Variants in DDX43 observed in about 807,000 individuals in gnomAD.
DDX43 encodes the protein probable ATP-dependent RNA helicase DDX43.
DDX43 carries 50 observed loss-of-function variants against 84.9 expected under a neutral mutation model. The observed-to-expected ratio is 0.59, with a 90% CI of 0.47 to 0.75. The LOEUF (loss-of-function observed/expected upper bound fraction) is 0.75, where lower values mean the gene tolerates loss of function less well. Ranked by LOEUF, DDX43 falls within the 30% of genes least tolerant of loss-of-function variation. DDX43 has a pLI of 0.00. For missense variants in DDX43, 689 were observed against 798.6 expected (o/e 0.86, Z 1.65); for synonymous variants, 291 against 266.3 (o/e 1.09, Z -0.90).
rs561592624 is a variant in DDX43, at chr6:73,414,540, C to T, written c.1607-8C>T. 1.1e-5 allele frequency: 17 copies of T among 1,608,354 alleles called. No individual in the cohort carries two copies. In the East Asian group the frequency reaches 1.1e-4, roughly 11 times the overall value. ...ATGGTTCAGTGTTCATTTGGCTTTA[C>T]TTTTTAGGCAAAGTGAGAATACTAA... is the stretch of plus-strand genomic sequence containing the variant. On this transcript the variant is annotated splice_polypyrimidine_tract_variant and splice_region_variant and intron_variant, in intron 13 of 16. Transcript: ENST00000370336.
At chr6:73,396,513 G>A (rs1263500587) in intron 1 of DDX43, among the ~76,000 whole-genome samples, 2 of 152,172 alleles carry the variant, frequency 1.3e-5, no homozygotes, top group South Asian at 2.1e-4. Context: ...CACTAGGTTT[G>A]CAATAAAAAT....
chr6:73,413,690 A>G lies in DDX43; in HGVS notation c.1401A>G (p.Val467=), dbSNP rs763328226. The change falls in exon 12 of 17, where the codon GTA becomes GTG. Residue 467 remains valine (V), a synonymous_variant. Coordinates refer to ENST00000370336, the MANE Select transcript of DDX43 (RefSeq NM_018665.3). ...GTTCAGTGAAGCAAAATATAATTGT[A>G]ACCACCGAGGAAGAGAAATGGAGTC... ...AVSSVKQNII[V]TTEEEKWSHM... is the part of the protein sequence containing the mutation. 1 of 1,613,800 alleles carries G rather than the reference A, an allele frequency of 6.2e-7. No homozygotes were observed. Among genetic ancestry groups the G allele is most frequent in the Admixed American group, 1.7e-5 (1 of 59,982 alleles).
chr6:73,409,231 C>A lies in DDX43; in HGVS notation c.1180-17C>A, dbSNP rs1316573795. 6.2e-7 allele frequency: 1 copy of A among 1,600,902 alleles called. No homozygotes were observed. The highest frequency in any genetic ancestry group is 8.6e-7 in the Non-Finnish European group (1 of 1,168,032). ...CTCCCATATCTAATCTAACCACATTCTTTTTTGTCAATGCAGGTTTTAGAT... is the reference window on the plus strand; with the variant it reads ...CTCCCATATCTAATCTAACCACATTATTTTTTGTCAATGCAGGTTTTAGAT... On this transcript the variant is annotated splice_polypyrimidine_tract_variant and intron_variant, in intron 9 of 16. Coordinates refer to ENST00000370336, the MANE Select transcript of DDX43 (RefSeq NM_018665.3).
Position 73,414,569 on chromosome 6 carries a change from C to G in DDX43, c.1628C>G (p.Ala543Gly). The change falls in exon 14 of 17, where the codon GCA becomes GGA. Residue 543 changes from alanine to glycine, a missense_variant. Physicochemically the swap from Ala to Gly is moderately conservative, Grantham distance 60. This residue lies in a region of DDX43 where 552 missense variants were observed against 692.7 expected (regional missense o/e 0.80). Coordinates refer to ENST00000370336, the MANE Select transcript of DDX43 (RefSeq NM_018665.3). ...TTAGGCAAAGTGAGAATACTAATTG[C>G]AACTGATCTAGCCTCTAGAGGACTT... ...FKTGKVRILI[A>G]TDLASRGLDV... The G allele has an allele frequency of 1.2e-6, 2 of 1,612,548 alleles. No individual in the cohort carries two copies. The highest frequency in any genetic ancestry group is 2.2e-5 in the South Asian group (2 of 90,756).
chr6:73,402,735 A>T (rs1261031311), intron 4 of DDX43, among the ~76,000 whole-genome samples: 2 of 152,072 alleles, frequency 1.3e-5, no homozygotes, highest in African/African-American at 4.8e-5. Context: ...TGTGCCAGCA[A>T]GCCCAGATAA....
At chr6:73,396,138 T>C (rs1769466520) in intron 1 of DDX43, among the ~76,000 whole-genome samples, 1 of 152,096 alleles carries the variant, frequency 6.6e-6, no homozygotes, top group Admixed American at 6.6e-5. Context: ...TTTGTGTTTT[T>C]AGTAAAGATG....
chr6:73,406,242 G>C, intron 6 of DDX43, 122 bp from the exon 7 acceptor site: 1 of 602,466 alleles, frequency 1.7e-6, no homozygotes, highest in South Asian at 2.0e-5. Flanking sequence ...GGCTAGTCTC[G>C]AACTCCCGAC....
In DDX43 at chr6:73,416,098, G is replaced by T; in HGVS notation, c.1834-15G>T. ...GAACTCAGAATCCTAATAACAACACGTTGAATAATTTCAGAGTATTCCAGA... is the reference window on the plus strand; with the variant it reads ...GAACTCAGAATCCTAATAACAACACTTTGAATAATTTCAGAGTATTCCAGA... On this transcript the variant is annotated splice_polypyrimidine_tract_variant and intron_variant, in intron 15 of 16. Transcript: ENST00000370336. 7.6e-7 allele frequency: 1 copy of T among 1,316,220 alleles called. No individual in the cohort carries two copies. The highest frequency in any genetic ancestry group is 1.2e-5 in the South Asian group (1 of 83,154). 81.5% of individuals were successfully genotyped at this position (1,316,220 alleles called of 1,614,324 possible). A position where few individuals can be genotyped will look rare whatever the true frequency, so the allele number is the denominator to read the frequency against.
At chr6:73,399,032 G>A (rs1265953463) in intron 2 of DDX43, among the ~76,000 whole-genome samples, 1 of 152,140 alleles carries the variant, frequency 6.6e-6, no homozygotes, top group East Asian at 1.9e-4. Flanking sequence ...CGCAACCACT[G>A]CCTCCTGGGT....
At position 73,400,459 on chromosome 6, in the gene DDX43, A is replaced by G. The variant is rs1260536970; in HGVS notation, c.436+96A>G. The G allele has an allele frequency of 1.3e-4, 147 of 1,156,552 alleles. 1 individual carries two copies. Among genetic ancestry groups the G allele is most frequent in the Non-Finnish European group, 1.7e-4 (141 of 849,808 alleles). 71.6% of individuals were successfully genotyped at this position (1,156,552 alleles called of 1,614,324 possible). A position where few individuals can be genotyped will look rare whatever the true frequency, so the allele number is the denominator to read the frequency against. ...CTGATTTCACTTTCTGATTCAAAGC[A>G]TTAGGCTGCCATAAATGCAGTCTTA... On this transcript the variant is annotated intron_variant, in intron 3 of 16. Transcript: ENST00000370336.
intron 12 of DDX43, 42 bp downstream of exon 12, chr6:73,413,827 T>G: frequency 6.3e-7 from 1 of 1,588,028 alleles, no homozygotes. Context: ...TTAATTAAAT[T>G]GATTAGGATC....
chr6:73,417,373 A>C lies in DDX43; in HGVS notation c.*212A>C, dbSNP rs1370143990. ...GGAAGTTGTTTCCTGGATTTTTATT[A>C]AGGAGTGTAGCATTAGAATGTTTTT... On this transcript the variant is annotated 3_prime_UTR_variant, in exon 17 of 17. Coordinates refer to ENST00000370336, the MANE Select transcript of DDX43 (RefSeq NM_018665.3). The C allele has an allele frequency of 6.6e-6, 1 of 152,190 alleles. No individual in the cohort carries two copies. 9.4% of individuals were successfully genotyped at this position (152,190 alleles called of 1,614,324 possible).
At position 73,394,872 on chromosome 6, in the gene DDX43, G is replaced by T. The variant is rs776751144; in HGVS notation, c.-34G>T. ...ACGGTCAGGTGGTGCAGAGCTGGACGGCAACGACGTCGGACGCGCCCCTTC... is the reference window on the plus strand; with the variant it reads ...ACGGTCAGGTGGTGCAGAGCTGGACTGCAACGACGTCGGACGCGCCCCTTC... On this transcript the variant is annotated 5_prime_UTR_variant, in exon 1 of 17. Coordinates refer to ENST00000370336, the MANE Select transcript of DDX43 (RefSeq NM_018665.3). 1.2e-5 allele frequency: 19 copies of T among 1,608,378 alleles called. No individual in the cohort carries two copies. Among genetic ancestry groups the T allele is most frequent in the Non-Finnish European group, 1.4e-5 (17 of 1,177,028 alleles).
chr6:73,408,019 T>G lies in DDX43; in HGVS notation c.1097T>G (p.Val366Gly). The G allele has an allele frequency of 6.2e-7, 1 of 1,613,898 alleles. No homozygotes were observed. The highest frequency in any genetic ancestry group is 8.5e-7 in the Non-Finnish European group (1 of 1,179,760). ...DEQIEELKKGVDIIIATPGRL... is the reference protein window; with the variant it reads ...DEQIEELKKGGDIIIATPGRL... ...CAAATAGAAGAGCTTAAAAAAGGTG[T>G]AGATATCATAATTGCAACTCCCGGA... is the stretch of plus-strand genomic sequence containing the variant. Residue 366 changes from valine (V) to glycine (G), a missense_variant, in exon 9 of 17, where the codon GTA becomes GGA. Val to Gly is a moderately radical substitution (Grantham distance 109). Transcript: ENST00000370336.
At chr6:73,413,080 G>C (rs1769834522) in intron 11 of DDX43, among the ~76,000 whole-genome samples, 1 of 151,944 alleles carries the variant, frequency 6.6e-6, no homozygotes, top group Non-Finnish European at 1.5e-5. Flanking sequence ...TTAGAATCAG[G>C]GTCTAAACGT....
Position 73,405,772 on chromosome 6 carries a change from A to T in DDX43, c.744A>T (p.Gln248His). Residue 248 changes from glutamine to histidine, a missense_variant, in exon 6 of 17, where the codon CAA becomes CAT. By Grantham distance (24) the Gln-to-His change is conservative. Coordinates refer to ENST00000370336, the MANE Select transcript of DDX43 (RefSeq NM_018665.3). ...CCTGCACATTTGATGACGCCTTTCAATGTTATCCTGAGGTTATGGAAAACA... is the reference window on the plus strand; with the variant it reads ...CCTGCACATTTGATGACGCCTTTCATTGTTATCCTGAGGTTATGGAAAACA... ...NPTCTFDDAF[Q>H]CYPEVMENIK... The T allele has an allele frequency of 6.2e-7, 1 of 1,614,150 alleles. No homozygotes were observed. The highest frequency in any genetic ancestry group is 8.5e-7 in the Non-Finnish European group (1 of 1,180,018).
intron 2 of DDX43, among the ~76,000 whole-genome samples, chr6:73,398,375 T>C (rs965157951): frequency 5.3e-5 from 8 of 152,152 alleles, no homozygotes; most frequent in African/African-American, 1.9e-4. Flanking sequence ...CCTCAGCCTC[T>C]GGAGTAGCTG....
intron 4 of DDX43, among the ~76,000 whole-genome samples, chr6:73,403,477 AAAAAGAAAAG>A (rs544132353): frequency 1.1e-4 from 15 of 142,826 alleles, no homozygotes; most frequent in African/African-American, 1.7e-4. Context: ...CTCAAAAAGA[AAAAAGAAAAG>A]AAAAGAAAAG....
At position 73,394,958 on chromosome 6, in the gene DDX43, G is replaced by A. The variant is rs1000530045; in HGVS notation, c.53G>A (p.Arg18Gln). Residue 18 changes from arginine (R) to glutamine (Q), a missense_variant, in exon 1 of 17, where the codon CGG becomes CAG. Around this residue, in one of 2 missense-constraint regions of DDX43, gnomAD observed 137 missense variants for 105.9 expected, o/e 1.29. Coordinates refer to ENST00000370336, the MANE Select transcript of DDX43 (RefSeq NM_018665.3). ...GCCTCTACGTGGGTCGTTGCTAGTC[G>A]GCGAAGCTCGACAGTGTCCCGAGCG... ...PKASTWVVAS[R>Q]RSSTVSRAPE... The A allele has an allele frequency of 1.9e-6, 3 of 1,614,246 alleles. No individual in the cohort carries two copies. Among genetic ancestry groups the A allele is most frequent in the Admixed American group, 1.7e-5 (1 of 60,034 alleles).
Sources: gnomAD v4.1 joint callset for allele counts (sites outside exome capture counted in the v4.1 genomes callset) on GRCh38, gnomAD v4.1.1 for gene constraint, gnomAD v4.1.1 regional missense constraint, MANE v1.5 for transcripts, NCBI Gene and HGNC (gene_info 2026-07-23, HGNC 2026-07-21) for gene names.